Variants in GRM8 observed in about 807,000 individuals in gnomAD.
The protein encoded by GRM8 is metabotropic glutamate receptor 8.
A neutral mutation model predicts 87.2 loss-of-function variants in GRM8; 47 were observed. The ratio of observed to expected loss-of-function variants is 0.54; its 90% CI spans 0.43 to 0.69. GRM8 has a LOEUF of 0.69. Ranked by LOEUF, GRM8 falls within the 30% of genes least tolerant of loss-of-function variation. The probability of loss-of-function intolerance (pLI) is 0.00; values close to 1 mark genes in which losing one functional copy is unlikely to be tolerated. For missense variants in GRM8, 1,019 were observed against 1,139.2 expected (o/e 0.89, Z 1.52); for synonymous variants, 396 against 404.5 (o/e 0.98, Z 0.25).
At chr7:126,816,725 T>C (rs960501531) in intron 6 of GRM8, among the ~76,000 whole-genome samples, 6 of 125,828 alleles carry the variant, frequency 4.8e-5, no homozygotes, top group African/African-American at 9.4e-5. Context: ...TGAGATAGTA[T>C]ATGATTTTGT....
chr7:126,973,128 A>G (rs1810604178), intron 3 of GRM8, among the ~76,000 whole-genome samples: 1 of 152,186 alleles, frequency 6.6e-6, no homozygotes, highest in Non-Finnish European at 1.5e-5. Flanking sequence ...TTTAGGATGC[A>G]CCAGAAACAC....
intron 3 of GRM8, among the ~76,000 whole-genome samples, chr7:126,962,716 C>T (rs1809442766): frequency 6.6e-6 from 1 of 152,112 alleles, no homozygotes; most frequent in Non-Finnish European, 1.5e-5. Context: ...CTTTGAATAC[C>T]TACAGCTAGA....
intron 2 of GRM8, among the ~76,000 whole-genome samples, chr7:127,214,090 G>T (rs1237782409): frequency 1.2e-4 from 18 of 152,232 alleles, no homozygotes; most frequent in Non-Finnish European, 1.3e-4. Context: ...ATATACAAAA[G>T]ATTATATAGT....
chr7:127,080,988 A>T (rs1822797874), intron 3 of GRM8: 1 of 152,212 alleles, frequency 6.6e-6, no homozygotes, highest in South Asian at 2.1e-4. Context: ...AACGCATTCT[A>T]TAAACAAAAC....
intron 7 of GRM8, among the ~76,000 whole-genome samples, chr7:126,687,910 T>A (rs1808357649): frequency 6.6e-6 from 1 of 152,158 alleles, no homozygotes; most frequent in Non-Finnish European, 1.5e-5. Context: ...TTTTAACTTT[T>A]CTTCTTTGTA....
chr7:127,093,015 A>G (rs1022956165), intron 3 of GRM8, among the ~76,000 whole-genome samples: 6 of 152,280 alleles, frequency 3.9e-5, no homozygotes, highest in Non-Finnish European at 7.4e-5. Flanking sequence ...TTCTTATTCA[A>G]ATGTGTGACC....
chr7:127,144,919 A>G (rs936324148), intron 2 of GRM8, among the ~76,000 whole-genome samples: 1 of 152,092 alleles, frequency 6.6e-6, no homozygotes, highest in Non-Finnish European at 1.5e-5. Flanking sequence ...ACACAGTTCT[A>G]GCAGAAAAAA....
At chr7:126,826,260 G>C (rs1024085238) in intron 6 of GRM8, among the ~76,000 whole-genome samples, 1 of 152,028 alleles carries the variant, frequency 6.6e-6, no homozygotes, top group Non-Finnish European at 1.5e-5. Flanking sequence ...TGGGTCAAAT[G>C]GTATTTCTAG....
chr7:126,878,876 G>A (rs1393410617), intron 6 of GRM8, among the ~76,000 whole-genome samples: 11 of 151,270 alleles, frequency 7.3e-5, no homozygotes, highest in Non-Finnish European at 8.8e-5. Context: ...TAAAAAACAT[G>A]ATGAGGCCGG....
At chr7:126,596,679 G>C (rs1266215792) in intron 8 of GRM8, among the ~76,000 whole-genome samples, 2 of 152,134 alleles carry the variant, frequency 1.3e-5, no homozygotes, top group African/African-American at 4.8e-5. Flanking sequence ...CACATACGCA[G>C]ATATAAATGG....
At chr7:126,832,940 C>T (rs865902370) in intron 6 of GRM8, among the ~76,000 whole-genome samples, 18 of 151,948 alleles carry the variant, frequency 1.2e-4, no homozygotes, top group Admixed American at 1.3e-4. Flanking sequence ...ATGAATTTTG[C>T]GGAATCTCAA....
intron 7 of GRM8, among the ~76,000 whole-genome samples, chr7:126,682,454 G>A (rs994009671): frequency 2.0e-5 from 3 of 152,242 alleles, no homozygotes; most frequent in East Asian, 1.9e-4. Flanking sequence ...CAGCTGCTTA[G>A]AGAGGTTAAG....
chr7:127,122,543 C>G (rs1827146519), intron 2 of GRM8, among the ~76,000 whole-genome samples: 1 of 151,608 alleles, frequency 6.6e-6, no homozygotes, highest in Admixed American at 6.6e-5. Flanking sequence ...AATACCATTT[C>G]AACCTCAAAT....
At chr7:126,945,742 T>A (rs1019716243) in intron 3 of GRM8, among the ~76,000 whole-genome samples, 1 of 152,210 alleles carries the variant, frequency 6.6e-6, no homozygotes, top group African/African-American at 2.4e-5. Context: ...CAACCTATAA[T>A]TAACATTTAA....
intron 8 of GRM8, among the ~76,000 whole-genome samples, chr7:126,570,930 A>G (rs1160646317): frequency 6.6e-6 from 1 of 152,230 alleles, no homozygotes; most frequent in Admixed American, 6.5e-5. Flanking sequence ...TGATATTCAA[A>G]TACCATTTCT....
intron 3 of GRM8, among the ~76,000 whole-genome samples, chr7:127,014,096 C>G (rs1480268050): frequency 6.6e-6 from 1 of 152,110 alleles, no homozygotes; most frequent in Non-Finnish European, 1.5e-5. Flanking sequence ...AAGGCACCAT[C>G]TGGATTCCCA....
chr7:126,667,096 T>C (rs1805854780), intron 7 of GRM8, among the ~76,000 whole-genome samples: 1 of 152,200 alleles, frequency 6.6e-6, no homozygotes, highest in Admixed American at 6.5e-5. Flanking sequence ...AAAATAGCAC[T>C]TACTATATGT....
intron 7 of GRM8, among the ~76,000 whole-genome samples, chr7:126,615,132 G>A (rs1799324655): frequency 1.3e-5 from 2 of 152,252 alleles, no homozygotes; most frequent in South Asian, 4.2e-4. Context: ...GAGAAATGTA[G>A]GGTTACCCAC....
intron 2 of GRM8, among the ~76,000 whole-genome samples, chr7:127,205,726 C>A (rs935253380): frequency 1.3e-5 from 2 of 152,282 alleles, no homozygotes; most frequent in African/African-American, 4.8e-5. Context: ...CAGTTGGTTA[C>A]CTCGGCCCTA....
Sources: allele counts gnomAD v4.1 joint callset (sites outside exome capture counted in the v4.1 genomes callset), GRCh38; gene constraint gnomAD v4.1.1; transcripts MANE v1.5; gene names NCBI Gene and HGNC (gene_info 2026-07-23, HGNC 2026-07-21).